Variants in STXBP5L observed in about 807,000 individuals in gnomAD.
STXBP5L encodes syntaxin binding protein 5L.
In STXBP5L, 65 loss-of-function variants were observed where a neutral mutation model predicts 144.5. That is an observed-to-expected ratio of 0.45 (90% CI 0.37 to 0.55). STXBP5L has a LOEUF of 0.55. Among genes scored for constraint, STXBP5L ranks in the 20% least tolerant of loss-of-function variants. The pLI, the probability that STXBP5L is intolerant of heterozygous loss-of-function variation, is 0.00. For missense variants in STXBP5L, 1,298 were observed against 1,405.5 expected (o/e 0.92, Z 1.22); for synonymous variants, 505 against 469.6 (o/e 1.08, Z -0.97).
intron 3 of STXBP5L, among the ~76,000 whole-genome samples, chr3:120,993,413 T>A (rs1476536262): frequency 6.6e-6 from 1 of 152,108 alleles, no homozygotes. Flanking sequence ...GTTTCCCCTA[T>A]GTTTTCTTCT....
chr3:121,018,823 T>A (rs1945330231), intron 3 of STXBP5L, among the ~76,000 whole-genome samples: 1 of 152,200 alleles, frequency 6.6e-6, no homozygotes, highest in Admixed American at 6.5e-5. Flanking sequence ...CATGAACTTT[T>A]ACTTCATGAA....
intron 3 of STXBP5L, among the ~76,000 whole-genome samples, chr3:120,987,870 T>C (rs1942450980): frequency 6.6e-6 from 1 of 151,902 alleles, no homozygotes; most frequent in Non-Finnish European, 1.5e-5. Flanking sequence ...TTGTGACAAA[T>C]TCTTGTTAAT....
chr3:121,052,224 C>T (rs1466662070), intron 5 of STXBP5L, among the ~76,000 whole-genome samples: 3 of 152,162 alleles, frequency 2.0e-5, no homozygotes, highest in African/African-American at 2.4e-5. Flanking sequence ...CTCCCTAACT[C>T]ATTTTATGAG....
chr3:121,295,772 C>T (rs2051627048), intron 19 of STXBP5L, among the ~76,000 whole-genome samples: 1 of 152,182 alleles, frequency 6.6e-6, no homozygotes, highest in Non-Finnish European at 1.5e-5. Flanking sequence ...TGTATTTCTA[C>T]AACAAAATAT....
intron 9 of STXBP5L, among the ~76,000 whole-genome samples, chr3:121,188,166 C>A (rs1458589781): frequency 1.3e-5 from 2 of 152,160 alleles, no homozygotes; most frequent in Non-Finnish European, 2.9e-5. Context: ...GACTTGAACT[C>A]AGCTCTGCAC....
intron 4 of STXBP5L, among the ~76,000 whole-genome samples, chr3:121,043,309 TGTG>T (rs1947285911): frequency 6.6e-6 from 1 of 152,170 alleles, no homozygotes; most frequent in Admixed American, 6.6e-5. Context: ...ACCTAGACAC[TGTG>T]GTGTTCTGCT....
chr3:120,964,094 T>C (rs1199247005), intron 3 of STXBP5L, among the ~76,000 whole-genome samples: 1 of 152,238 alleles, frequency 6.6e-6, no homozygotes, highest in Non-Finnish European at 1.5e-5. Flanking sequence ...TGGTAGTTTG[T>C]ATTTCTGCAG....
chr3:120,962,413 T>C (rs1320279940), intron 3 of STXBP5L, among the ~76,000 whole-genome samples: 1 of 152,252 alleles, frequency 6.6e-6, no homozygotes, highest in Non-Finnish European at 1.5e-5. Flanking sequence ...GTTTTAGGTC[T>C]CACATGTAAT....
At chr3:121,092,678 C>T (rs534322281) in intron 5 of STXBP5L, among the ~76,000 whole-genome samples, 224 of 152,294 alleles carry the variant, frequency 1.5e-3, no homozygotes, top group African/African-American at 4.8e-3. Context: ...TGGGCTGAGA[C>T]AGTGGGGTTT....
At chr3:121,324,467 A>G (rs1403756835) in intron 20 of STXBP5L, 19 of 671,210 alleles carry the variant, frequency 2.8e-5, no homozygotes, top group Non-Finnish European at 5.1e-5. Flanking sequence ...ACTCCATGCC[A>G]ATAGTTTTAT....
intron 19 of STXBP5L, among the ~76,000 whole-genome samples, chr3:121,283,604 T>C (rs982707256): frequency 2.0e-5 from 3 of 152,024 alleles, no homozygotes; most frequent in Non-Finnish European, 1.5e-5. Context: ...GTCCCAATCA[T>C]TCATTATATA....
intron 14 of STXBP5L, among the ~76,000 whole-genome samples, chr3:121,241,647 A>G (rs537106732): frequency 3.3e-5 from 5 of 152,294 alleles, no homozygotes; most frequent in African/African-American, 1.2e-4. Flanking sequence ...AGCAGTAATG[A>G]GTAGCTACCA....
At chr3:121,154,761 C>A (rs1019477583) in intron 8 of STXBP5L, among the ~76,000 whole-genome samples, 6 of 151,786 alleles carry the variant, frequency 4.0e-5, no homozygotes, top group Non-Finnish European at 8.9e-5. Flanking sequence ...AGCAAAATAT[C>A]CCATTGGCAC....
chr3:121,033,492 A>C (rs1186315470), intron 3 of STXBP5L, among the ~76,000 whole-genome samples: 15 of 143,992 alleles, frequency 1.0e-4, no homozygotes, highest in Non-Finnish European at 2.0e-4. Context: ...TAGTGGGTGC[A>C]GTGCACCAGC....
chr3:121,185,250 C>G (rs563951877), intron 9 of STXBP5L, among the ~76,000 whole-genome samples: 53 of 152,266 alleles, frequency 3.5e-4, no homozygotes, highest in African/African-American at 1.2e-3. Context: ...TGTAGGTTGC[C>G]TGTTCACTCT....
At chr3:121,045,369 G>C in intron 4 of STXBP5L, 66 bp from the exon 5 acceptor site, 1 of 1,433,338 alleles carries the variant, frequency 7.0e-7, no homozygotes. Context: ...AAATTAGCTT[G>C]TTTGTGATTA....
Position 121,041,752 on chromosome 3 carries a change from G to A in STXBP5L, c.340G>A (p.Val114Ile). The stretch of plus-strand genomic sequence containing the variant: ...TTGCCAACATGAAAGTGGTGCAGCT[G>A]TCCTACAGCTCCAATTTTTGATCAA... ...CYCQHESGAA[V>I]LQLQFLINEG... The change falls in exon 4 of 27, where the codon GTC becomes ATC. Residue 114 changes from valine to isoleucine, a missense_variant. Val to Ile is a conservative substitution (Grantham distance 29, BLOSUM62 3). Transcript: ENST00000471454. 6.2e-7 allele frequency: 1 copy of A among 1,612,682 alleles called. No homozygotes were observed. The highest frequency in any genetic ancestry group is 8.5e-7 in the Non-Finnish European group (1 of 1,179,138).
intron 19 of STXBP5L, among the ~76,000 whole-genome samples, chr3:121,280,849 G>C (rs1171886083): frequency 6.6e-6 from 1 of 151,532 alleles, no homozygotes; most frequent in Non-Finnish European, 1.5e-5. Context: ...GCCGAGGTGA[G>C]AGGATTTCTT....
rs116336458 is a variant in STXBP5L at position 121,067,779 on chromosome 3, A to C, written c.470+22244A>C. On this transcript the variant is annotated intron_variant, in intron 5 of 26. Transcript: ENST00000471454. Reference sequence around the variant, plus strand: ...AGTGATGACTTATGTTTTGAATCTAAGTTGTTGGATGTATACATTTATTTT... The same window carrying C: ...AGTGATGACTTATGTTTTGAATCTACGTTGTTGGATGTATACATTTATTTT... Among the ~76,000 whole-genome samples, 1,251 of 152,176 alleles carry C rather than the reference A, an allele frequency of 8.2e-3. 21 individuals carry two copies. Among genetic ancestry groups the C allele is most frequent in the African/African-American group, 0.028 (1,171 of 41,532 alleles).
Sources: gnomAD v4.1 joint callset for allele counts (sites outside exome capture counted in the v4.1 genomes callset) on GRCh38, gnomAD v4.1.1 for gene constraint, MANE v1.5 for transcripts, NCBI Gene and HGNC (gene_info 2026-07-23, HGNC 2026-07-21) for gene names.